The following MRPS10 variants were observed in gnomAD, a reference collection of about 807,000 sequenced individuals.
MRPS10 encodes the protein small ribosomal subunit protein uS10m.
Under a neutral mutation model 27.5 loss-of-function variants are expected in MRPS10, and 23 were observed. The observed-to-expected ratio is 0.84, with a 90% CI of 0.60 to 1.18. The LOEUF is 1.18. Among genes scored for constraint, MRPS10 ranks in the 50% most tolerant of loss-of-function variants. The pLI is 0.00. For synonymous variants in MRPS10, 88 were observed against 84.2 expected, an observed-to-expected ratio of 1.04 and a Z score of -0.25; for missense variants, 237 against 240.1, an observed-to-expected ratio of 0.99 and a Z score of 0.09.
intron 6 of MRPS10, 28 bp downstream of exon 6, chr6:42,208,830 C>G: frequency 6.7e-7 from 1 of 1,486,014 alleles, no homozygotes; most frequent in East Asian, 2.3e-5. Flanking sequence ...CACCGCCCCA[C>G]CGAAAGAGGC....
At chr6:42,210,661 G>A in intron 4 of MRPS10, 65 bp from the exon 5 acceptor site, 10 of 1,574,276 alleles carry the variant, frequency 6.4e-6, no homozygotes, top group Non-Finnish European at 8.6e-6. Flanking sequence ...CCATAATTTT[G>A]TAGGTCAGAC....
At chr6:42,214,042 G>A (rs866900232) in intron 3 of MRPS10, 78 bp downstream of exon 3, 30 of 1,269,636 alleles carry the variant, frequency 2.4e-5, no homozygotes, top group Middle Eastern at 5.5e-4. Flanking sequence ...AGTGTTTGGG[G>A]AAAAAAAACC....
At chr6:42,213,004 C>T (rs937636982) in intron 3 of MRPS10, among the ~76,000 whole-genome samples, 10 of 152,320 alleles carry the variant, frequency 6.6e-5, no homozygotes, top group African/African-American at 2.4e-4. Flanking sequence ...TCTGATTTCC[C>T]ACAGGGCAAC....
chr6:42,217,079 G>A (rs1302232899), intron 1 of MRPS10, among the ~76,000 whole-genome samples: 1 of 152,154 alleles, frequency 6.6e-6, no homozygotes, highest in East Asian at 1.9e-4. Context: ...CTGCAAAAAT[G>A]TAAAACATTG....
chr6:42,210,692 T>C, intron 4 of MRPS10, 96 bp from the exon 5 acceptor site: 1 of 1,487,944 alleles, frequency 6.7e-7, no homozygotes, highest in Non-Finnish European at 9.0e-7. Flanking sequence ...TTATAGGCAT[T>C]AACTACCATT....
chr6:42,216,383 AGAGT>A (rs1417418217), intron 1 of MRPS10, among the ~76,000 whole-genome samples: 466 of 46,242 alleles, frequency 0.01, 11 homozygotes, highest in African/African-American at 0.023. Context: ...AGAGAGAGAG[AGAGT>A]GTGTGTGTGT....
In MRPS10 at chr6:42,208,235, C is replaced by T. The variant is rs1216377260; in HGVS notation, c.*54G>A. On this transcript the variant is annotated 3_prime_UTR_variant, in exon 7 of 7. Coordinates refer to ENST00000053468, the MANE Select transcript of MRPS10 (RefSeq NM_018141.4). ...TGGAAGCACTCTCCACTTAAACATA[C>T]TCATCTGGCCCACCCTCATTTCAAA... The T allele has an allele frequency of 7.7e-7, 1 of 1,302,498 alleles. No homozygotes were observed. The highest frequency in any genetic ancestry group is 2.3e-5 in the East Asian group (1 of 43,396). 80.7% of individuals were successfully genotyped at this position (1,302,498 alleles called of 1,614,324 possible).
intron 4 of MRPS10, among the ~76,000 whole-genome samples, chr6:42,211,052 T>G (rs961714565): frequency 3.3e-5 from 5 of 152,344 alleles, no homozygotes; most frequent in East Asian, 1.9e-4. Context: ...AAGGCCAGAC[T>G]GCCAAAGCCC....
At chr6:42,216,359 T>TGAGAGAGAGAGAGAGAGAGAGAGAGAGA (rs373981686) in intron 1 of MRPS10, among the ~76,000 whole-genome samples, 9 of 58,232 alleles carry the variant, frequency 1.5e-4, no homozygotes, top group Non-Finnish European at 3.1e-4. Context: ...TTGTATTTCT[T>TGAGAGAGAGAGAGAGAGAGAGAGAGAGA]GAGAGAGAGA....
chr6:42,213,760 A>G (rs1269883832), intron 3 of MRPS10, among the ~76,000 whole-genome samples: 2 of 152,368 alleles, frequency 1.3e-5, no homozygotes, highest in East Asian at 1.9e-4. Context: ...CCCAGGCTCA[A>G]TACACAAAAT....
chr6:42,208,433 C>G, intron 6 of MRPS10, 61 bp from the exon 7 acceptor site: 1 of 1,246,480 alleles, frequency 8.0e-7, no homozygotes, highest in Non-Finnish European at 1.1e-6. Context: ...GACTACAAAT[C>G]GGACTTATTA....
At chr6:42,208,806 C>T (rs34547023) in intron 6 of MRPS10, 52 bp downstream of exon 6, 80,009 of 1,240,776 alleles carry the variant, frequency 0.064, 3,004 homozygotes, top group Admixed American at 0.12. Context: ...AACAACAATA[C>T]AGATACCACT....
rs1768748671 is a variant in MRPS10 at position 42,210,610 on chromosome 6, A to G, written c.324-14T>C. ...GGAGGTTCATGTCTGAAATTAATGGACAAAACAAAACCTGAGTCACTATGA... is the reference window on the plus strand; with the variant it reads ...GGAGGTTCATGTCTGAAATTAATGGGCAAAACAAAACCTGAGTCACTATGA... On this transcript the variant is annotated splice_polypyrimidine_tract_variant and intron_variant, in intron 4 of 6. Coordinates refer to ENST00000053468, the MANE Select transcript of MRPS10 (RefSeq NM_018141.4). 1 of 1,526,386 alleles carries G rather than the reference A, an allele frequency of 6.6e-7. No homozygotes were observed. Among genetic ancestry groups the G allele is most frequent in the East Asian group, 2.4e-5 (1 of 42,392 alleles). The allele number at this position is 1,526,386 out of a possible 1,614,324, so 94.6% of individuals were successfully genotyped here. A position where few individuals can be genotyped will look rare whatever the true frequency, so the allele number is the denominator to read the frequency against.
Position 42,208,945 on chromosome 6 carries a change from T to C in MRPS10, c.435A>G (p.Leu145=), listed in dbSNP as rs1305954937. 6.3e-7 allele frequency: 1 copy of C among 1,594,730 alleles called. No individual in the cohort carries two copies. The highest frequency in any genetic ancestry group is 1.4e-5 in the African/African-American group (1 of 73,726). Residue 145 remains leucine (L), a splice_region_variant and synonymous_variant, in exon 6 of 7, where the codon TTA becomes TTG. Transcript: ENST00000053468. ...EMRTLYRCLE[L]EHLTGSTADV... ...CTGCTGTGCTTCCAGTTAGATGTTCTAACTAAAACATCAAACATGAAAATG... is the reference window on the plus strand; with the variant it reads ...CTGCTGTGCTTCCAGTTAGATGTTCCAACTAAAACATCAAACATGAAAATG...
chr6:42,212,697 T>C (rs971946072), intron 3 of MRPS10, among the ~76,000 whole-genome samples: 2 of 152,198 alleles, frequency 1.3e-5, no homozygotes, highest in African/African-American at 4.8e-5. Flanking sequence ...ACTAATCCAA[T>C]GATTCAGAGT....
At chr6:42,212,469 T>A (rs1419671037) in intron 3 of MRPS10, among the ~76,000 whole-genome samples, 7 of 147,390 alleles carry the variant, frequency 4.7e-5, no homozygotes, top group African/African-American at 1.1e-4. Context: ...TCTATTCATA[T>A]TTTTTATTAG....
At position 42,214,333 on chromosome 6, in the gene MRPS10, A is replaced by T; in HGVS notation, c.60T>A (p.Asn20Lys). The change falls in exon 2 of 7, where the codon AAT becomes AAA. Residue 20 changes from asparagine to lysine, a missense_variant. Around this residue, in one of 3 missense-constraint regions of MRPS10, gnomAD observed 164 missense variants for 137.8 expected, o/e 1.19. Coordinates refer to ENST00000053468, the MANE Select transcript of MRPS10 (RefSeq NM_018141.4). ...VCRRLWQGLG[N>K]FSVNTSKGNT... ...TGCCCTTAGAAGTGTTTACAGAAAA[A>T]TTCCCCAATCCCTAAAGAAAAAAAA... 1.2e-6 allele frequency: 2 copies of T among 1,609,892 alleles called. No homozygotes were observed. Among genetic ancestry groups the T allele is most frequent in the Non-Finnish European group, 1.7e-6 (2 of 1,177,354 alleles).
chr6:42,212,045 G>A lies in MRPS10; in HGVS notation c.187-128C>T, dbSNP rs1582350413. The A allele has an allele frequency of 2.3e-5, 18 of 784,148 alleles. No individual in the cohort carries two copies. In the East Asian group the frequency reaches 2.6e-4, roughly 11 times the overall value. The allele number at this position is 784,148 out of a possible 1,614,324, so 48.6% of individuals were successfully genotyped here. A position where few individuals can be genotyped will look rare whatever the true frequency, so the allele number is the denominator to read the frequency against. On this transcript the variant is annotated intron_variant, in intron 3 of 6. Coordinates refer to ENST00000053468, the MANE Select transcript of MRPS10 (RefSeq NM_018141.4). ...AATGAGGAGAAAAACACTGAGTGACGGCAGTGTTAGCTGAAGTGTCTAGAT... is the reference window on the plus strand; with the variant it reads ...AATGAGGAGAAAAACACTGAGTGACAGCAGTGTTAGCTGAAGTGTCTAGAT...
chr6:42,208,519 G>A lies in MRPS10; in HGVS notation c.523-147C>T, dbSNP rs1302967931. ...TATAGGGTTTTGAAATGGAAAGAAG[G>A]AAACTTGATGGTCTATAAAACACTC... is the stretch of plus-strand genomic sequence containing the variant. On this transcript the variant is annotated intron_variant, in intron 6 of 6. Transcript: ENST00000053468. The A allele has an allele frequency of 4.5e-6, 3 of 670,156 alleles. No homozygotes were observed. In the Admixed American group the frequency reaches 8.6e-5, roughly 19 times the overall value. 41.5% of individuals were successfully genotyped at this position (670,156 alleles called of 1,614,324 possible).
Sources: gnomAD v4.1 joint callset for allele counts (sites outside exome capture counted in the v4.1 genomes callset) on GRCh38, gnomAD v4.1.1 for gene constraint, gnomAD v4.1.1 regional missense constraint, MANE v1.5 for transcripts, NCBI Gene and HGNC (gene_info 2026-07-23, HGNC 2026-07-21) for gene names.